HYDIN: variants seen among roughly 807,000 people sequenced by gnomAD.
The protein encoded by HYDIN is axonemal central pair apparatus protein HYDIN.
In HYDIN, 132 loss-of-function variants were observed where a neutral mutation model predicts 403.9. The ratio of observed to expected loss-of-function variants is 0.33; its 90% CI spans 0.28 to 0.38. HYDIN has a LOEUF of 0.38. HYDIN is among the 10% of genes least tolerant of loss of function. The pLI is 1.00. For synonymous variants in HYDIN, 1,202 were observed against 1,891.7 expected (o/e 0.64, Z 9.46); for missense variants, 2,827 against 5,009.5 (o/e 0.56, Z 13.15).
intron 18 of HYDIN, among the ~76,000 whole-genome samples, chr16:71,051,208 G>GA (rs967048428): frequency 2.0e-5 from 3 of 152,032 alleles, no homozygotes; most frequent in Admixed American, 6.6e-5. Context: ...AACAGATAAG[G>GA]AAAAAAATCA....
intron 4 of HYDIN, among the ~76,000 whole-genome samples, chr16:71,178,502 T>C (rs2086776706): frequency 6.7e-6 from 1 of 148,742 alleles, no homozygotes; most frequent in African/African-American, 2.5e-5. Context: ...CAGACATACA[T>C]ATATATATGC....
At chr16:71,002,101 T>C (rs2079735479) in intron 23 of HYDIN, among the ~76,000 whole-genome samples, 1 of 152,250 alleles carries the variant, frequency 6.6e-6, no homozygotes, top group South Asian at 2.1e-4. Flanking sequence ...AGACTGATCA[T>C]CTGCAGGTGG....
chr16:70,968,639 T>G (rs1187912801), intron 36 of HYDIN, among the ~76,000 whole-genome samples: 1 of 151,996 alleles, frequency 6.6e-6, no homozygotes, highest in African/African-American at 2.4e-5. Flanking sequence ...AAGAAGGCAG[T>G]GCCCCCTTCT....
At chr16:71,064,663 A>T (rs1423695818) in intron 16 of HYDIN, 42 bp downstream of exon 16, 1 of 1,559,718 alleles carries the variant, frequency 6.4e-7, no homozygotes, top group African/African-American at 1.4e-5. Context: ...AGGGAACTCA[A>T]TGGAAGAATA....
At chr16:70,902,821 A>ATATATTTT in intron 52 of HYDIN, among the ~76,000 whole-genome samples, 1 of 47,318 alleles carries the variant, frequency 2.1e-5, no homozygotes. Context: ...ATATATATAT[A>ATATATTTT]TTTTTTTTTT....
At chr16:70,910,583 C>T (rs1351846734) in intron 47 of HYDIN, among the ~76,000 whole-genome samples, 1 of 147,814 alleles carries the variant, frequency 6.8e-6, no homozygotes, top group Non-Finnish European at 1.5e-5. Context: ...ACTTCTTTTC[C>T]TCTGGGTAGA....
chr16:70,887,935 G>A (rs1262374346), intron 58 of HYDIN, among the ~76,000 whole-genome samples: 4 of 151,972 alleles, frequency 2.6e-5, no homozygotes, highest in South Asian at 2.1e-4. Context: ...CGCTTGCCTC[G>A]GCCTCCCAAA....
At chr16:70,990,465 T>G (rs1038120525) in intron 25 of HYDIN, among the ~76,000 whole-genome samples, 1 of 147,484 alleles carries the variant, frequency 6.8e-6, no homozygotes, top group African/African-American at 2.5e-5. Flanking sequence ...TGTTGGTTGC[T>G]TTCATAGACT....
At position 71,025,185 on chromosome 16, in the gene HYDIN, A is replaced by G. The variant is rs537539036; in HGVS notation, c.3186+198T>C. Among the ~76,000 whole-genome samples the G allele has an allele frequency of 2.6e-5, 4 of 152,136 alleles. No individual in the cohort carries two copies. The South Asian group carries it at 8.3e-4, about 32-fold the overall frequency. ...CAGGAATGATGGAAATAGAATTTCC[A>G]CAGCAACTTACATGTCAAAGGATTG... On this transcript the variant is annotated intron_variant, in intron 21 of 85. Transcript: ENST00000393567.
chr16:71,089,234 G>C (rs2083029512), intron 11 of HYDIN, among the ~76,000 whole-genome samples: 1 of 152,088 alleles, frequency 6.6e-6, no homozygotes, highest in Admixed American at 6.5e-5. Flanking sequence ...GCTCATGCCT[G>C]AGCTCCTTCA....
Position 70,832,969 on chromosome 16 carries a change from T to G in HYDIN, c.13778A>C (p.Tyr4593Ser). 2.5e-6 allele frequency: 4 copies of G among 1,614,214 alleles called. No individual in the cohort carries two copies. Among genetic ancestry groups the G allele is most frequent in the Non-Finnish European group, 3.4e-6 (4 of 1,180,002 alleles). ...SGMEVSFEVT[Y>S]HPTEVGKESL... ...CTCCTTTCCCACCTCGGTGGGATGG[T>G]AGGTCACTTCAAAAGAAACCTCCAT... Residue 4593 changes from tyrosine (Y) to serine (S), a missense_variant, in exon 80 of 86, where the codon TAC becomes TCC. Coordinates refer to ENST00000393567, the MANE Select transcript of HYDIN (RefSeq NM_001270974.2).
At chr16:71,172,723 C>A (rs1398808236) in intron 5 of HYDIN, among the ~76,000 whole-genome samples, 1 of 152,138 alleles carries the variant, frequency 6.6e-6, no homozygotes, top group Admixed American at 6.5e-5. Context: ...TGAAAGAGGG[C>A]TGGCTTAACT....
In HYDIN at chr16:71,178,993, T is replaced by C. The variant is rs753094032; in HGVS notation, c.316A>G (p.Ile106Val). The change falls in exon 4 of 86, where the codon ATA (isoleucine) becomes GTA (valine). Residue 106 changes from isoleucine to valine, a missense_variant. Ile to Val is a conservative substitution (Grantham distance 29). Transcript: ENST00000393567. Reference protein sequence around the residue: ...ALFQPFPSEIIFQNYTPCEVY... With the variant: ...ALFQPFPSEIVFQNYTPCEVY... ...TCACAGGGAGTGTAGTTCTGAAATATAATTTCTGATGGAAAGGGCTGGAAT... is the reference window on the plus strand; with the variant it reads ...TCACAGGGAGTGTAGTTCTGAAATACAATTTCTGATGGAAAGGGCTGGAAT... The C allele has an allele frequency of 7.5e-6, 12 of 1,609,394 alleles. No individual in the cohort carries two copies. Among genetic ancestry groups the C allele is most frequent in the African/African-American group, 1.3e-5 (1 of 74,820 alleles).
rs199958598 is a variant in HYDIN at position 70,921,145 on chromosome 16, T to C, written c.7231A>G (p.Met2411Val). The change falls in exon 46 of 86, where the codon ATG (methionine) becomes GTG (valine). Residue 2411 changes from methionine to valine, a missense_variant. Physicochemically the swap from Met to Val is conservative, Grantham distance 21. Coordinates refer to ENST00000393567, the MANE Select transcript of HYDIN (RefSeq NM_001270974.2). ...TTATTTAGCTCTTCCTTCTCAGACA[T>C]TGTTTGTTCCCTAACAGATATTTTC... is the stretch of plus-strand genomic sequence containing the variant. Reference protein sequence around the residue: ...ERKISVREQTMSEKEELNKKK... With the variant: ...ERKISVREQTVSEKEELNKKK... The C allele has an allele frequency of 2.7e-3, 4,089 of 1,523,792 alleles. 79 individuals carry two copies. In the African/African-American group the frequency reaches 0.049, roughly 18 times the overall value. The allele number at this position is 1,523,792 out of a possible 1,614,324, so 94.4% of individuals were successfully genotyped here.
At chr16:71,152,439 T>C (rs2085574677) in intron 7 of HYDIN, among the ~76,000 whole-genome samples, 1 of 150,274 alleles carries the variant, frequency 6.7e-6, no homozygotes, top group South Asian at 2.1e-4. Context: ...TAGTGATTTC[T>C]GAGATTTTGG....
intron 15 of HYDIN, among the ~76,000 whole-genome samples, chr16:71,066,113 CT>C (rs11441210): frequency 2.1e-3 from 307 of 145,626 alleles, no homozygotes; most frequent in Middle Eastern, 3.6e-3. Flanking sequence ...CTCTTTAGAC[CT>C]TTTTTTTTTT....
At chr16:71,192,009 A>G (rs750433852) in intron 1 of HYDIN, among the ~76,000 whole-genome samples, 1 of 152,188 alleles carries the variant, frequency 6.6e-6, no homozygotes, top group Non-Finnish European at 1.5e-5. Flanking sequence ...AGTTACTTTA[A>G]TCCCCACAGC....
chr16:70,839,447 C>T (rs1319746532), intron 76 of HYDIN, among the ~76,000 whole-genome samples: 2 of 147,826 alleles, frequency 1.4e-5, no homozygotes, highest in Non-Finnish European at 3.0e-5. Flanking sequence ...GTTTCGCTAG[C>T]CACATTTTAA....
intron 23 of HYDIN, among the ~76,000 whole-genome samples, chr16:70,999,174 G>C (rs995013179): frequency 6.6e-6 from 1 of 152,172 alleles, no homozygotes; most frequent in East Asian, 1.9e-4. Context: ...CTCAGTGTTG[G>C]CTGGCCATTG....
Sources: allele counts gnomAD v4.1 joint callset (sites outside exome capture counted in the v4.1 genomes callset), GRCh38; gene constraint gnomAD v4.1.1; transcripts MANE v1.5; gene names NCBI Gene and HGNC (gene_info 2026-07-23, HGNC 2026-07-21).